The following EDN1 variants were observed in gnomAD, a reference collection of about 807,000 sequenced individuals.
The protein encoded by EDN1 is endothelin 1.
A neutral mutation model predicts 21.7 loss-of-function variants in EDN1; 11 were observed. The observed-to-expected ratio is 0.51, with a 90% CI of 0.32 to 0.84. EDN1 has a LOEUF of 0.84. EDN1 is among the 40% of genes least tolerant of loss of function. The pLI is 0.03. For missense variants in EDN1, 244 were observed against 262.3 expected (o/e 0.93, Z 0.48); for synonymous variants, 85 against 90.6 (o/e 0.94, Z 0.35).
chr6:12,235,449 T>A, the EDN1 span, among the ~76,000 whole-genome samples: 1 of 152,174 alleles, frequency 6.6e-6, no homozygotes, highest in African/African-American at 2.4e-5. Flanking sequence ...AGTTCATAAC[T>A]CCCTGACTCT....
At chr6:12,263,332 G>T in the EDN1 span, among the ~76,000 whole-genome samples, 1 of 152,180 alleles carries the variant, frequency 6.6e-6, no homozygotes, top group African/African-American at 2.4e-5. Context: ...GTCTTCAAAA[G>T]CAGTAGAAGC....
chr6:12,276,651 C>T, the EDN1 span, among the ~76,000 whole-genome samples: 189 of 152,254 alleles, frequency 1.2e-3, no homozygotes, highest in Non-Finnish European at 1.4e-3. Flanking sequence ...GGAAGACTTC[C>T]CCAGGGAGGA....
In EDN1 at chr6:12,290,598, G is replaced by T; in HGVS notation, c.-32G>T. ...CTTCGTTTTCCTTTGGGTTCAGTTT[G>T]AACGGGAGGTTTTTGATCCCTTTTT... On this transcript the variant is annotated 5_prime_UTR_variant, in exon 1 of 5. Coordinates refer to ENST00000379375, the MANE Select transcript of EDN1 (RefSeq NM_001955.5). 1.3e-6 allele frequency: 2 copies of T among 1,599,510 alleles called. No individual in the cohort carries two copies. The highest frequency in any genetic ancestry group is 2.2e-5 in the South Asian group (2 of 90,738).
the EDN1 span, among the ~76,000 whole-genome samples, chr6:12,244,774 T>TA: frequency 6.6e-6 from 1 of 152,198 alleles, no homozygotes; most frequent in African/African-American, 2.4e-5. Context: ...GTTTTGATCT[T>TA]ATGCTCCTGC....
chr6:12,275,454 G>T, the EDN1 span, among the ~76,000 whole-genome samples: 2 of 152,112 alleles, frequency 1.3e-5, no homozygotes, highest in African/African-American at 2.4e-5. Context: ...TGACCCAGCA[G>T]ATCTGTAGTT....
At chr6:12,264,811 C>T in the EDN1 span, among the ~76,000 whole-genome samples, 1 of 152,086 alleles carries the variant, frequency 6.6e-6, no homozygotes, top group East Asian at 1.9e-4. Context: ...ATGAACTGGG[C>T]AGTAGGAGGA....
chr6:12,245,406 A>G, the EDN1 span, among the ~76,000 whole-genome samples: 1 of 152,214 alleles, frequency 6.6e-6, no homozygotes, highest in Non-Finnish European at 1.5e-5. Context: ...CAGACTCAGC[A>G]AACACGTTTC....
chr6:12,257,585 G>A, the EDN1 span, among the ~76,000 whole-genome samples: 3 of 152,192 alleles, frequency 2.0e-5, no homozygotes, highest in African/African-American at 7.2e-5. Context: ...TACACATGAT[G>A]AAGGCCTCAA....
At chr6:12,286,553 G>A (rs1206061638), upstream of EDN1, among the ~76,000 whole-genome samples, 2 of 152,188 alleles carry the variant, frequency 1.3e-5, no homozygotes, top group African/African-American at 4.8e-5. Flanking sequence ...TGATTTTCAA[G>A]CAACTTAACG....
At chr6:12,242,764 C>T in the EDN1 span, among the ~76,000 whole-genome samples, 34 of 152,072 alleles carry the variant, frequency 2.2e-4, no homozygotes, top group African/African-American at 8.2e-4. Context: ...CTACACTGAC[C>T]TTTCTGTTTC....
chr6:12,232,297 A>G, the EDN1 span, among the ~76,000 whole-genome samples: 1 of 150,366 alleles, frequency 6.7e-6, no homozygotes, highest in Admixed American at 6.6e-5. Flanking sequence ...CATAGTCTCT[A>G]CCAATACATA....
Position 12,296,054 on chromosome 6 carries a change from G to T in EDN1, c.626G>T (p.Arg209Leu). The change falls in exon 5 of 5, where the codon CGA becomes CTA. Residue 209 changes from arginine (R) to leucine (L), a missense_variant. By Grantham distance (102) the Arg-to-Leu change is moderately radical. Coordinates refer to ENST00000379375, the MANE Select transcript of EDN1 (RefSeq NM_001955.5). ...AGAGAGCGTTATGTGACCCACAACC[G>T]AGCACATTGGTGACAGACCTTCGGG... ...PSRERYVTHN[R>L]AHW 4 of 1,613,886 alleles carry T rather than the reference G, an allele frequency of 2.5e-6. No individual in the cohort carries two copies. The highest frequency in any genetic ancestry group is 3.4e-6 in the Non-Finnish European group (4 of 1,179,898).
chr6:12,246,022 G>T, the EDN1 span, among the ~76,000 whole-genome samples: 17 of 45,608 alleles, frequency 3.7e-4, no homozygotes, highest in Admixed American at 2.5e-3. Context: ...CCCCACAAAG[G>T]CAGAGAAGAT....
At chr6:12,234,688 C>G in the EDN1 span, among the ~76,000 whole-genome samples, 1 of 152,158 alleles carries the variant, frequency 6.6e-6, no homozygotes, top group South Asian at 2.1e-4. Context: ...TGGCTGCAAA[C>G]CCAACCAGAA....
chr6:12,233,644 T>C, the EDN1 span, among the ~76,000 whole-genome samples: 3 of 152,170 alleles, frequency 2.0e-5, no homozygotes, highest in Admixed American at 1.3e-4. Context: ...ATGTGTGTGA[T>C]GCCAACTCAC....
At chr6:12,238,171 C>CA in the EDN1 span, among the ~76,000 whole-genome samples, 16,023 of 104,288 alleles carry the variant, frequency 0.15, 2,127 homozygotes, top group African/African-American at 0.38. Context: ...GACTCTATCT[C>CA]AAAAAAAAAA....
At chr6:12,273,767 G>A in the EDN1 span, among the ~76,000 whole-genome samples, 1 of 152,010 alleles carries the variant, frequency 6.6e-6, no homozygotes, top group Non-Finnish European at 1.5e-5. Flanking sequence ...TGAGACTCTG[G>A]CACTGTCTTT....
chr6:12,254,797 T>C, the EDN1 span, among the ~76,000 whole-genome samples: 2 of 152,064 alleles, frequency 1.3e-5, no homozygotes, highest in Non-Finnish European at 2.9e-5. Context: ...ATTGAAAAAT[T>C]TATGAGAAAT....
intron 1 of EDN1, 42 bp from the exon 2 acceptor site, chr6:12,292,299 T>C (rs979082619): frequency 6.2e-7 from 1 of 1,610,884 alleles, no homozygotes; most frequent in Non-Finnish European, 8.5e-7. Flanking sequence ...CTCTCGGCGT[T>C]TGAGGAGACA....
Sources: allele counts gnomAD v4.1 joint callset (sites outside exome capture counted in the v4.1 genomes callset), GRCh38; gene constraint gnomAD v4.1.1; transcripts MANE v1.5; gene names NCBI Gene and HGNC (gene_info 2026-07-23, HGNC 2026-07-21).